MLLT10: variants seen among roughly 807,000 people sequenced by gnomAD.
The protein encoded by MLLT10 is MLLT10 histone lysine methyltransferase DOT1L cofactor, also known as protein AF-10.
In MLLT10, 30 loss-of-function variants were observed where a neutral mutation model predicts 129.1. That is an observed-to-expected ratio of 0.23 (90% CI 0.17 to 0.32). MLLT10 has a LOEUF of 0.32. Ranked by LOEUF, MLLT10 falls within the 10% of genes least tolerant of loss-of-function variation. The pLI is 1.00. For missense variants in MLLT10, 1,119 were observed against 1,268.3 expected (o/e 0.88, Z 1.79); for synonymous variants, 490 against 446.4 (o/e 1.10, Z -1.23).
At chr10:21,540,523 A>G (rs2034957603) in intron 3 of MLLT10, among the ~76,000 whole-genome samples, 2 of 152,144 alleles carry the variant, frequency 1.3e-5, no homozygotes, top group Admixed American at 6.5e-5. Flanking sequence ...AGCCTGGGTG[A>G]CAGAGTGAGA....
Position 21,742,559 on chromosome 10 carries a change from C to T in MLLT10, c.*576C>T. ...AATTTCCTTTCTAATGGGATTTGGCCAATTTTGGTAATGAAGTTAGGATGG... is the reference window on the plus strand; with the variant it reads ...AATTTCCTTTCTAATGGGATTTGGCTAATTTTGGTAATGAAGTTAGGATGG... On this transcript the variant is annotated 3_prime_UTR_variant, in exon 23 of 23. Transcript: ENST00000307729. 4.6e-6 allele frequency: 1 copy of T among 216,918 alleles called. No individual in the cohort carries two copies. The highest frequency in any genetic ancestry group is 9.3e-6 in the Non-Finnish European group (1 of 107,870). 13.4% of individuals were successfully genotyped at this position (216,918 alleles called of 1,614,324 possible).
intron 5 of MLLT10, among the ~76,000 whole-genome samples, chr10:21,606,525 G>T (rs936492991): frequency 6.6e-6 from 1 of 151,694 alleles, no homozygotes; most frequent in Non-Finnish European, 1.5e-5. Flanking sequence ...GTGGGAGGAG[G>T]TCAAAATATC....
At chr10:21,680,309 G>A (rs1024752175) in intron 11 of MLLT10, among the ~76,000 whole-genome samples, 17 of 151,800 alleles carry the variant, frequency 1.1e-4, no homozygotes, top group African/African-American at 3.9e-4. Context: ...TTGTTCAAGC[G>A]ATTCTTGTGC....
chr10:21,548,391 T>G (rs2036445982), intron 3 of MLLT10, among the ~76,000 whole-genome samples: 1 of 151,498 alleles, frequency 6.6e-6, no homozygotes, highest in South Asian at 2.1e-4. Flanking sequence ...TTTTTTTTTT[T>G]GAGACGGAGC....
intron 8 of MLLT10, among the ~76,000 whole-genome samples, chr10:21,640,297 A>G (rs997496189): frequency 2.1e-5 from 3 of 144,072 alleles, no homozygotes; most frequent in Non-Finnish European, 3.0e-5. Flanking sequence ...TATATATTAT[A>G]TAATATATAT....
At chr10:21,693,498 C>A (rs1476240762) in intron 13 of MLLT10, among the ~76,000 whole-genome samples, 1 of 151,980 alleles carries the variant, frequency 6.6e-6, no homozygotes, top group African/African-American at 2.4e-5. Context: ...AAAAAAAAAC[C>A]CCAATTTACT....
chr10:21,638,051 C>CA (rs2047620835), intron 8 of MLLT10, among the ~76,000 whole-genome samples: 1 of 151,836 alleles, frequency 6.6e-6, no homozygotes, highest in South Asian at 2.1e-4. Flanking sequence ...AGGAAAGAGA[C>CA]ATGGTTTGGA....
At position 21,592,613 on chromosome 10, in the gene MLLT10, T is replaced by C. The variant is rs1217729434; in HGVS notation, c.296-2718T>C. 5.9e-5 allele frequency among the ~76,000 whole-genome samples: 9 copies of C among 152,192 alleles called. No homozygotes were observed. In the East Asian group the frequency reaches 1.7e-3, roughly 29 times the overall value. ...CTGGGACTACAGGCGCCTGCCACCT[T>C]GCCCGGCTAATTTTTTGTATTTTTA... On this transcript the variant is annotated intron_variant, in intron 4 of 22. Coordinates refer to ENST00000307729, the MANE Select transcript of MLLT10 (RefSeq NM_001195626.3).
At chr10:21,634,101 G>A (rs1253490269) in intron 8 of MLLT10, among the ~76,000 whole-genome samples, 1 of 152,168 alleles carries the variant, frequency 6.6e-6, no homozygotes, top group African/African-American at 2.4e-5. Context: ...CTAGCCGAGT[G>A]ACGTGGCTCG....
At chr10:21,705,869 C>T (rs953740281) in intron 13 of MLLT10, among the ~76,000 whole-genome samples, 7 of 152,190 alleles carry the variant, frequency 4.6e-5, no homozygotes, top group South Asian at 2.1e-4. Context: ...ACAATCTCCT[C>T]GCAGTTCCTT....
chr10:21,624,191 A>G (rs1210020143), intron 8 of MLLT10, among the ~76,000 whole-genome samples: 1 of 151,818 alleles, frequency 6.6e-6, no homozygotes, highest in Non-Finnish European at 1.5e-5. Context: ...CTACTAAGAC[A>G]TAGCACTAGC....
intron 3 of MLLT10, among the ~76,000 whole-genome samples, chr10:21,559,383 G>C (rs1023143649): frequency 1.3e-5 from 2 of 152,176 alleles, no homozygotes; most frequent in African/African-American, 2.4e-5. Context: ...TGGCAAGAAT[G>C]GACATCTTTA....
At chr10:21,657,297 G>T (rs931676475) in intron 9 of MLLT10, among the ~76,000 whole-genome samples, 1 of 150,806 alleles carries the variant, frequency 6.6e-6, no homozygotes, top group Non-Finnish European at 1.5e-5. Context: ...AGAGGCTGAG[G>T]CAGGAGAATT....
intron 9 of MLLT10, chr10:21,661,589 G>A (rs2050209910): frequency 6.6e-6 from 1 of 152,048 alleles, no homozygotes. Flanking sequence ...TTGAAAATTA[G>A]CATTAGCACA....
At position 21,614,818 on chromosome 10, in the gene MLLT10, C is replaced by T; in HGVS notation, c.510-13C>T. 1 of 1,604,804 alleles carries T rather than the reference C, an allele frequency of 6.2e-7. No individual in the cohort carries two copies. Among genetic ancestry groups the T allele is most frequent in the Non-Finnish European group, 8.5e-7 (1 of 1,176,532 alleles). ...TTAGTATATCAATAAATATACTTGG[C>T]TTTTATTTTCAGCGCTCAGTTTGCC... On this transcript the variant is annotated splice_polypyrimidine_tract_variant and intron_variant, in intron 6 of 22. Coordinates refer to ENST00000307729, the MANE Select transcript of MLLT10 (RefSeq NM_001195626.3).
In MLLT10 at chr10:21,742,610, TTTTCTTTTGAGAATTGC is replaced by T; in HGVS notation, c.*635_*651del. The T allele has an allele frequency of 4.5e-6, 1 of 221,018 alleles. No individual in the cohort carries two copies. Among genetic ancestry groups the T allele is most frequent in the Non-Finnish European group, 9.1e-6 (1 of 110,434 alleles). 13.7% of individuals were successfully genotyped at this position (221,018 alleles called of 1,614,324 possible). On this transcript the variant is annotated 3_prime_UTR_variant, in exon 23 of 23. Transcript: ENST00000307729. ...TAATGTCTGCATCTGCTAAAGGTAA[TTTTCTTTTGAGAATTGC>T]TTTCTTTAGTGTTAAGACCTACTCA...
intron 5 of MLLT10, among the ~76,000 whole-genome samples, chr10:21,601,362 T>G (rs1341697899): frequency 6.6e-6 from 1 of 152,210 alleles, no homozygotes; most frequent in African/African-American, 2.4e-5. Context: ...GACACTATAA[T>G]ATCCCTCATT....
chr10:21,671,653 C>A (rs998785228), intron 10 of MLLT10, among the ~76,000 whole-genome samples: 4 of 152,036 alleles, frequency 2.6e-5, no homozygotes, highest in Non-Finnish European at 4.4e-5. Context: ...GGCATGGTGG[C>A]ACATGCCTAT....
intron 13 of MLLT10, among the ~76,000 whole-genome samples, chr10:21,698,309 G>A (rs2054565020): frequency 6.6e-6 from 1 of 152,106 alleles, no homozygotes; most frequent in South Asian, 2.1e-4. Context: ...TATGAGTTGA[G>A]CACATGTGGT....
Sources: allele counts gnomAD v4.1 joint callset (sites outside exome capture counted in the v4.1 genomes callset), GRCh38; gene constraint gnomAD v4.1.1; transcripts MANE v1.5; gene names NCBI Gene and HGNC (gene_info 2026-07-23, HGNC 2026-07-21).